WDR72: variants seen among roughly 807,000 people sequenced by gnomAD.
WDR72 encodes WD repeat-containing protein 72.
Under a neutral mutation model 124.2 loss-of-function variants are expected in WDR72, and 120 were observed. The ratio of observed to expected loss-of-function variants is 0.97; its 90% CI spans 0.83 to 1.12. WDR72 has a LOEUF of 1.12. Ranked by LOEUF, WDR72 falls within the 50% of genes most tolerant of loss-of-function variation. The pLI, the probability that WDR72 is intolerant of heterozygous loss-of-function variation, is 0.00. For synonymous variants in WDR72, 452 were observed against 441.7 expected, an observed-to-expected ratio of 1.02 and a Z score of -0.29; for missense variants, 1,387 against 1,278.8, an observed-to-expected ratio of 1.08 and a Z score of -1.29.
chr15:53,733,382 C>A (rs530004748), intron 1 of WDR72, among the ~76,000 whole-genome samples: 1 of 152,138 alleles, frequency 6.6e-6, no homozygotes, highest in Non-Finnish European at 1.5e-5. Context: ...GACTTATCTT[C>A]GAATTCCTTA....
At chr15:53,586,113 G>A (rs1316651678) in intron 18 of WDR72, among the ~76,000 whole-genome samples, 1 of 151,952 alleles carries the variant, frequency 6.6e-6, no homozygotes, top group Non-Finnish European at 1.5e-5. Context: ...CAGATTTCAA[G>A]TACATAGCTT....
At chr15:53,608,717 C>T (rs1053822177) in intron 17 of WDR72, among the ~76,000 whole-genome samples, 5 of 151,702 alleles carry the variant, frequency 3.3e-5, no homozygotes, top group African/African-American at 9.7e-5. Context: ...TACTGTACCA[C>T]TGCACTCCAG....
intron 14 of WDR72, among the ~76,000 whole-genome samples, chr15:53,632,809 G>T (rs72747342): frequency 6.6e-6 from 1 of 152,232 alleles, no homozygotes; most frequent in Non-Finnish European, 1.5e-5. Context: ...ACTTGTATGG[G>T]ACCCGTAGTC....
chr15:53,704,381 CT>C (rs1003117321), intron 11 of WDR72, among the ~76,000 whole-genome samples: 2 of 152,094 alleles, frequency 1.3e-5, no homozygotes, highest in Non-Finnish European at 2.9e-5. Flanking sequence ...CTGATATGTG[CT>C]TGTACACACA....
In WDR72 at chr15:53,669,735, T is replaced by C. The variant is rs370721312; in HGVS notation, c.1766-3967A>G. ...GCAAAAAAATAACCAAAAAGGGAGGTATGACTACAAGGAAGATTTCCAACA... is the reference window on the plus strand; with the variant it reads ...GCAAAAAAATAACCAAAAAGGGAGGCATGACTACAAGGAAGATTTCCAACA... On this transcript the variant is annotated intron_variant, in intron 13 of 19. Transcript: ENST00000360509. Among the ~76,000 whole-genome samples the C allele has an allele frequency of 2.0e-5, 3 of 151,866 alleles. No homozygotes were observed. The East Asian group carries it at 5.8e-4, about 29-fold the overall frequency.
intron 18 of WDR72, among the ~76,000 whole-genome samples, chr15:53,533,764 G>GT (rs1566946146): frequency 1.3e-5 from 2 of 152,252 alleles, no homozygotes; most frequent in East Asian, 3.9e-4. Flanking sequence ...CAGATGCCCA[G>GT]TTTGAGATAT....
chr15:53,667,170 G>A (rs990621265), intron 13 of WDR72, among the ~76,000 whole-genome samples: 1 of 151,950 alleles, frequency 6.6e-6, no homozygotes, highest in Non-Finnish European at 1.5e-5. Context: ...TGGGCAACAT[G>A]GTAAAACGCC....
chr15:53,698,215 C>T (rs1300521677), intron 13 of WDR72, among the ~76,000 whole-genome samples: 1 of 152,152 alleles, frequency 6.6e-6, no homozygotes, highest in African/African-American at 2.4e-5. Flanking sequence ...TAAAAAGTTA[C>T]ATAGCCTAAG....
At chr15:53,531,916 T>C (rs1566945174) in intron 18 of WDR72, among the ~76,000 whole-genome samples, 1 of 151,996 alleles carries the variant, frequency 6.6e-6, no homozygotes, top group Non-Finnish European at 1.5e-5. Flanking sequence ...GGTTCTTGAG[T>C]TGTGAAATGT....
chr15:53,714,921 T>A (rs690526), intron 5 of WDR72, among the ~76,000 whole-genome samples: 1 of 151,864 alleles, frequency 6.6e-6, no homozygotes, highest in Admixed American at 6.6e-5. Flanking sequence ...CTTGTCACTC[T>A]TAAAATGTAA....
intron 16 of WDR72, among the ~76,000 whole-genome samples, chr15:53,611,500 C>G (rs1451971384): frequency 6.6e-6 from 1 of 151,416 alleles, no homozygotes; most frequent in African/African-American, 2.4e-5. Context: ...AACAAACAAA[C>G]AACAACAACA....
intron 1 of WDR72, among the ~76,000 whole-genome samples, chr15:53,752,374 T>G (rs115780530): frequency 0.012 from 1,891 of 152,108 alleles, 33 homozygotes; most frequent in African/African-American, 0.044. Flanking sequence ...TGGATTGGGG[T>G]GAGCTCCTAA....
intron 17 of WDR72, among the ~76,000 whole-genome samples, chr15:53,598,989 T>C (rs1490812701): frequency 1.3e-5 from 2 of 152,042 alleles, no homozygotes; most frequent in Non-Finnish European, 2.9e-5. Flanking sequence ...CCTGGCTTGG[T>C]GGTGCGCACC....
rs2013755705 is a variant in WDR72, at chr15:53,616,117, G to A, written c.2089C>T (p.Pro697Ser). Reference protein sequence around the residue: ...ENLVELLLPTPLSDVDSSSSF... With the variant: ...ENLVELLLPTSLSDVDSSSSF... ...CTGGAAGAGTCAACATCACTGAGTG[G>A]AGTTGGTAGCAAAAGTTCAACAAGG... Residue 697 changes from proline to serine, a missense_variant, in exon 15 of 20, where the codon CCA (proline) becomes TCA (serine). Pro to Ser is a moderately conservative substitution (Grantham distance 74). Coordinates refer to ENST00000360509, the MANE Select transcript of WDR72 (RefSeq NM_182758.4). 2 of 1,604,900 alleles carry A rather than the reference G, an allele frequency of 1.2e-6. No homozygotes were observed. Among genetic ancestry groups the A allele is most frequent in the African/African-American group, 1.3e-5 (1 of 74,484 alleles).
chr15:53,532,352 T>C (rs1892528269), intron 18 of WDR72, among the ~76,000 whole-genome samples: 1 of 152,170 alleles, frequency 6.6e-6, no homozygotes, highest in Non-Finnish European at 1.5e-5. Context: ...CCATGTTTAT[T>C]GTAGCACTAT....
intron 13 of WDR72, among the ~76,000 whole-genome samples, chr15:53,674,205 A>T (rs563985079): frequency 6.6e-6 from 1 of 152,152 alleles, no homozygotes; most frequent in South Asian, 2.1e-4. Flanking sequence ...TTTCAAAGTG[A>T]CTCTCTCTGA....
At chr15:53,657,157 G>C (rs192775456) in intron 14 of WDR72, among the ~76,000 whole-genome samples, 7 of 150,996 alleles carry the variant, frequency 4.6e-5, no homozygotes, top group Admixed American at 1.3e-4. Context: ...CCAGCTACTC[G>C]GGAGGGTGAG....
chr15:53,609,012 T>G (rs1460079304), intron 17 of WDR72, among the ~76,000 whole-genome samples: 1 of 152,092 alleles, frequency 6.6e-6, no homozygotes, highest in African/African-American at 2.4e-5. Flanking sequence ...AAATGGATTA[T>G]TTCTAACACA....
Position 53,680,280 on chromosome 15 carries a change from T to C in WDR72, c.1766-14512A>G, listed in dbSNP as rs577732408. 2.0e-5 allele frequency among the ~76,000 whole-genome samples: 3 copies of C among 152,320 alleles called. No individual in the cohort carries two copies. The South Asian group carries it at 6.2e-4, about 32-fold the overall frequency. ...CAATTCCAACCCCAAGCTTGGCGGATTGTTTTATCTATGCCCTCTATGATT... is the reference window on the plus strand; with the variant it reads ...CAATTCCAACCCCAAGCTTGGCGGACTGTTTTATCTATGCCCTCTATGATT... On this transcript the variant is annotated intron_variant, in intron 13 of 19. Transcript: ENST00000360509.
Sources: gnomAD v4.1 joint callset for allele counts (sites outside exome capture counted in the v4.1 genomes callset) on GRCh38, gnomAD v4.1.1 for gene constraint, MANE v1.5 for transcripts, NCBI Gene and HGNC (gene_info 2026-07-23, HGNC 2026-07-21) for gene names.